ISX: variants seen among roughly 807,000 people sequenced by gnomAD.
The protein encoded by ISX is intestine-specific homeobox.
A neutral mutation model predicts 16.9 loss-of-function variants in ISX; 15 were observed. That is an observed-to-expected ratio of 0.89 (90% CI 0.59 to 1.36). The LOEUF is 1.36. Among genes scored for constraint, ISX ranks in the 40% most tolerant of loss-of-function variants. The probability of loss-of-function intolerance (pLI) is 0.00; values close to 1 mark genes in which losing one functional copy is unlikely to be tolerated. For missense variants in ISX, 316 were observed against 306.1 expected (o/e 1.03, Z -0.24); for synonymous variants, 125 against 119.7 (o/e 1.04, Z -0.29).
rs548780317 is a variant in ISX, at chr22:35,079,737, C to T, written c.230-2781C>T. On this transcript the variant is annotated intron_variant, in intron 2 of 4. Coordinates refer to ENST00000404699, the MANE Select transcript of ISX (RefSeq NM_001303508.2). ...GTTAGCTAGAATGGTAGGAATTCCA[C>T]TGGGCCCCAAAAGTGAAGGTGATCT... Among the ~76,000 whole-genome samples, 26 of 152,326 alleles carry T rather than the reference C, an allele frequency of 1.7e-4. No individual in the cohort carries two copies. In the East Asian group the frequency reaches 3.5e-3, roughly 20 times the overall value.
Sources: allele counts gnomAD v4.1 joint callset (sites outside exome capture counted in the v4.1 genomes callset), GRCh38; gene constraint gnomAD v4.1.1; transcripts MANE v1.5; gene names NCBI Gene and HGNC (gene_info 2026-07-23, HGNC 2026-07-21).